Variants in CSF1R observed in about 807,000 individuals in gnomAD.
CSF1R encodes colony stimulating factor 1 receptor, also known as macrophage colony-stimulating factor 1 receptor.
In CSF1R, 40 loss-of-function variants were observed where a neutral mutation model predicts 110.0. The observed-to-expected ratio is 0.36, with a 90% CI of 0.28 to 0.47. The LOEUF (loss-of-function observed/expected upper bound fraction) is 0.47, where lower values mean the gene tolerates loss of function less well. CSF1R is among the 20% of genes least tolerant of loss of function. CSF1R has a pLI of 0.99. For synonymous variants in CSF1R, 523 were observed against 503.4 expected (o/e 1.04, Z -0.52); for missense variants, 1,052 against 1,253.0 (o/e 0.84, Z 2.42).
chr5:150,076,371 T>TA (rs1331450736), intron 5 of CSF1R, among the ~76,000 whole-genome samples: 1 of 148,246 alleles, frequency 6.7e-6, no homozygotes, highest in African/African-American at 2.5e-5. Flanking sequence ...TCTATCTATC[T>TA]ATCTAATCTA....
rs216136 is a variant in CSF1R, at chr5:150,056,196, G to A, written c.2442+23C>T. 909,875 of 1,613,896 alleles carry A rather than the reference G, an allele frequency of 0.56. 266,004 individuals are homozygous for A. The highest frequency in any genetic ancestry group is 0.6 in the Non-Finnish European group (709,880 of 1,179,892). ...GACTCTTCACCCCCTCCCCAGCCTG[G>A]CCCAAGCCCTCCCAGCACTTACATT... On this transcript the variant is annotated intron_variant, in intron 17 of 20. Transcript: ENST00000675795.
intron 3 of CSF1R, among the ~76,000 whole-genome samples, chr5:150,079,310 G>T (rs1396393465): frequency 6.6e-6 from 1 of 152,190 alleles, no homozygotes; most frequent in Non-Finnish European, 1.5e-5. Context: ...TGGGCTAGCT[G>T]CTTCACTCTG....
At chr5:150,061,017 CAG>C in intron 12 of CSF1R, 45 bp from the exon 13 acceptor site, 1 of 1,356,784 alleles carries the variant, frequency 7.4e-7, no homozygotes, top group Non-Finnish European at 1.0e-6. Flanking sequence ...GAGGGCAGGA[CAG>C]AGAGCACCAC....
At chr5:150,054,740 A>G (rs1352578015) in intron 19 of CSF1R, 1 of 316,284 alleles carries the variant, frequency 3.2e-6, no homozygotes, top group East Asian at 6.1e-5. Flanking sequence ...TAATCCCAAC[A>G]CTTTGGGAGG....
intron 1 of CSF1R, among the ~76,000 whole-genome samples, chr5:150,108,130 G>T (rs916240864): frequency 2.0e-5 from 3 of 152,192 alleles, no homozygotes; most frequent in Non-Finnish European, 1.5e-5. Flanking sequence ...CACAGTAAAG[G>T]CCTGGAGGCG....
At position 150,092,539 on chromosome 5, in the gene CSF1R, T is replaced by C. The variant is rs1439075108; in HGVS notation, c.-180-5932A>G. Among the ~76,000 whole-genome samples, 3 of 152,344 alleles carry C rather than the reference T, an allele frequency of 2.0e-5. No homozygotes were observed. In the East Asian group the frequency reaches 5.8e-4, roughly 29 times the overall value. ...GAAAGGAGGTTTAATTGACTCACAG[T>C]TCAGCATGGCTGAGGAGGCCTCAGA... On this transcript the variant is annotated intron_variant, in intron 1 of 21. Transcript: ENST00000286301.
In CSF1R at chr5:150,080,251, G is replaced by C. The variant is rs773417438; in HGVS notation, c.393C>G (p.Asp131Glu). 2 of 1,614,054 alleles carry C rather than the reference G, an allele frequency of 1.2e-6. No homozygotes were observed. The highest frequency in any genetic ancestry group is 1.7e-6 in the Non-Finnish European group (2 of 1,180,056). ...GCGAGACGCCTGCTTCCAGCACCGGGTCTGTGAGCAGACAGGGCAGTAGTG... is the reference window on the plus strand; with the variant it reads ...GCGAGACGCCTGCTTCCAGCACCGGCTCTGTGAGCAGACAGGGCAGTAGTG... ...QDALLPCLLT[D>E]PVLEAGVSLV... Residue 131 changes from aspartate to glutamate, a missense_variant, in exon 3 of 21, where the codon GAC becomes GAG. By Grantham distance (45) the Asp-to-Glu change is conservative (BLOSUM62 2). Coordinates refer to ENST00000675795, the MANE Select transcript of CSF1R (RefSeq NM_001288705.3).
chr5:150,061,784 G>A lies in CSF1R; in HGVS notation c.1692C>T (p.Ile564=), dbSNP rs139830484. ...CGTTGTAAGGCAGCTGCGTGGGGTC[G>A]ATGAAAGTATAACTGTTGCCCTCAT... is the stretch of plus-strand genomic sequence containing the variant. The part of the protein sequence containing the change: ...ESYEGNSYTF[I]DPTQLPYNEK... The change falls in exon 11 of 21, where the codon ATC becomes ATT. Residue 564 remains isoleucine, a synonymous_variant. Coordinates refer to ENST00000675795, the MANE Select transcript of CSF1R (RefSeq NM_001288705.3). The A allele has an allele frequency of 4.4e-5, 71 of 1,614,100 alleles. No homozygotes were observed. The African/African-American group carries it at 5.2e-4, about 12-fold the overall frequency.
chr5:150,084,116 C>G (rs1251964160), intron 1 of CSF1R, among the ~76,000 whole-genome samples: 3 of 151,944 alleles, frequency 2.0e-5, no homozygotes, highest in Non-Finnish European at 4.4e-5. Flanking sequence ...GCAGGGGGAT[C>G]GCTTGAGTTC....
In CSF1R at chr5:150,061,533, T is replaced by G. The variant is rs1422850617; in HGVS notation, c.1816A>C (p.Lys606Gln). The G allele has an allele frequency of 6.4e-7, 1 of 1,572,700 alleles. No individual in the cohort carries two copies. Among genetic ancestry groups the G allele is most frequent in the African/African-American group, 1.4e-5 (1 of 73,880 alleles). ...GCCACCTTCAGGACAGCATCCTCCT[T>G]GCCCAGACCAAAGGCCGTGGCCTCC... Reference protein sequence around the residue: ...VVEATAFGLGKEDAVLKVAVK... With the variant: ...VVEATAFGLGQEDAVLKVAVK... The change falls in exon 12 of 21, where the codon AAG (lysine) becomes CAG (glutamine). Residue 606 changes from lysine (K) to glutamine (Q), a missense_variant. By Grantham distance (53) the Lys-to-Gln change is moderately conservative (BLOSUM62 1). Transcript: ENST00000675795.
At chr5:150,077,991 T>A in intron 4 of CSF1R, 121 bp downstream of exon 4, 1 of 1,306,706 alleles carries the variant, frequency 7.7e-7, no homozygotes, top group South Asian at 1.3e-5. Context: ...CTCTCTGGAG[T>A]CTGAGCTGTG....
rs972327871 is a variant in CSF1R, at chr5:150,060,640, G to A, written c.1969+222C>T. Among the ~76,000 whole-genome samples, 23 of 152,304 alleles carry A rather than the reference G, an allele frequency of 1.5e-4. No individual in the cohort carries two copies. The East Asian group carries it at 2.9e-3, about 19-fold the overall frequency. Reference sequence around the variant, plus strand: ...ATTCATCTCCTCCTCCAAGGGCTCCGATGCTCCCTATCAGTCTCTCTTTAT... The same window carrying A: ...ATTCATCTCCTCCTCCAAGGGCTCCAATGCTCCCTATCAGTCTCTCTTTAT... On this transcript the variant is annotated intron_variant, in intron 13 of 20. Transcript: ENST00000675795.
chr5:150,069,842 G>T, intron 9 of CSF1R, 31 bp downstream of exon 9: 1 of 1,288,336 alleles, frequency 7.8e-7, no homozygotes, highest in Non-Finnish European at 1.0e-6. Flanking sequence ...GCGGGCGGGG[G>T]GGCGGTGCGG....
chr5:150,066,196 C>CTCCTGGGACAAGAG lies in CSF1R; in HGVS notation c.1626+2005_1626+2018dup, dbSNP rs554268945. ...TAACTCTGGTTCCCCAACGAACTTCCTCCTGGGACAAGAGTGTGCAGCTCC... is the reference window on the plus strand; with the variant it reads ...TAACTCTGGTTCCCCAACGAACTTCCTCCTGGGACAAGAGTCCTGGGACAAGAGTGTGCAGCTCC... On this transcript the variant is annotated intron_variant, in intron 10 of 20. Transcript: ENST00000675795. Among the ~76,000 whole-genome samples, 37 of 152,328 alleles carry CTCCTGGGACAAGAG rather than the reference C, an allele frequency of 2.4e-4. No individual in the cohort carries two copies. In the South Asian group the frequency reaches 7.0e-3, roughly 29 times the overall value.
At chr5:150,103,556 C>G (rs1759464224) in intron 1 of CSF1R, among the ~76,000 whole-genome samples, 1 of 152,234 alleles carries the variant, frequency 6.6e-6, no homozygotes, top group African/African-American at 2.4e-5. Flanking sequence ...ACATTAACTT[C>G]TTAAAGTCCA....
rs746152726 is a variant in CSF1R at position 150,069,894 on chromosome 5, C to T, written c.1489G>A (p.Ala497Thr). Residue 497 changes from alanine (A) to threonine (T), a missense_variant, in exon 9 of 21, where the codon GCC (alanine) becomes ACC (threonine). Around this residue, in one of 5 missense-constraint regions of CSF1R, gnomAD observed 693 missense variants for 735.4 expected, o/e 0.94. Coordinates refer to ENST00000675795, the MANE Select transcript of CSF1R (RefSeq NM_001288705.3). Reference sequence around the variant, plus strand: ...TCACCTGCAGAGATGGGTATGAAGGCCCAGGAGCCACTCCCCACGCTGTTG... The same window carrying T: ...TCACCTGCAGAGATGGGTATGAAGGTCCAGGAGCCACTCCCCACGCTGTTG... ...AHNSVGSGSW[A>T]FIPISAGAHT... is the part of the protein sequence containing the mutation. The T allele has an allele frequency of 6.2e-7, 1 of 1,612,742 alleles. No homozygotes were observed. The highest frequency in any genetic ancestry group is 8.5e-7 in the Non-Finnish European group (1 of 1,179,314).
In CSF1R at chr5:150,056,010, G is replaced by A. The variant is rs771448268; in HGVS notation, c.2554+16C>T. The A allele has an allele frequency of 6.2e-7, 1 of 1,610,616 alleles. No homozygotes were observed. Among genetic ancestry groups the A allele is most frequent in the South Asian group, 1.1e-5 (1 of 90,872 alleles). ...GCCAGCCCCAGGCTCTGCCTGGAGT[G>A]GGCCCAGTGGCTCACCAAGTGAGAA... On this transcript the variant is annotated intron_variant, in intron 18 of 20. Coordinates refer to ENST00000675795, the MANE Select transcript of CSF1R (RefSeq NM_001288705.3).
At chr5:150,061,111 A>C (rs1164980290) in intron 12 of CSF1R, 139 bp from the exon 13 acceptor site, 1 of 601,026 alleles carries the variant, frequency 1.7e-6, no homozygotes, top group Non-Finnish European at 2.9e-6. Flanking sequence ...AGAAGCCAAA[A>C]GAAGGAGAAG....
intron 12 of CSF1R, 122 bp from the exon 13 acceptor site, chr5:150,061,094 A>C: frequency 1.6e-6 from 1 of 644,054 alleles, no homozygotes; most frequent in Non-Finnish European, 2.7e-6. Context: ...CAAGACCCGG[A>C]GTGACCAGAA....
Sources: allele counts gnomAD v4.1 joint callset (sites outside exome capture counted in the v4.1 genomes callset), GRCh38; gene constraint gnomAD v4.1.1; regional missense constraint gnomAD v4.1.1; transcripts MANE v1.5; gene names NCBI Gene and HGNC (gene_info 2026-07-23, HGNC 2026-07-21).